ZNF672: variants seen among roughly 807,000 people sequenced by gnomAD.
The protein encoded by ZNF672 is zinc finger protein 672.
For missense variants in ZNF672, 733 were observed against 701.1 expected, an observed-to-expected ratio of 1.05 and a Z score of -0.51; for synonymous variants, 358 against 305.6, an observed-to-expected ratio of 1.17 and a Z score of -1.79.
intron 1 of ZNF672, chr1:248,839,210 A>ATGCTG (rs1664629857): frequency 2.0e-5 from 3 of 152,484 alleles, no homozygotes; most frequent in Admixed American, 2.0e-4. Context: ...TGGAAGGCCC[A>ATGCTG]TGCTGTGCTG....
chr1:248,839,585 A>C (rs1664635782), intron 1 of ZNF672: 1 of 152,460 alleles, frequency 6.6e-6, no homozygotes, highest in African/African-American at 2.4e-5. Flanking sequence ...GCGAGGCTGC[A>C]GTGAGACAGT....
chr1:248,847,408 T>C lies in ZNF672; in HGVS notation c.134T>C (p.Leu45Pro), dbSNP rs892816538. 63 of 1,596,998 alleles carry C rather than the reference T, an allele frequency of 3.9e-5. No homozygotes were observed. The highest frequency in any genetic ancestry group is 5.3e-5 in the Non-Finnish European group (62 of 1,171,578). The stretch of plus-strand genomic sequence containing the variant: ...GGCGGTGACGGCCGCTTCCGTTGCC[T>C]AGAATGCGGTGAGCGCTGTGCACGG... ...AHGGDGRFRC[L>P]ECGERCARAA... The change falls in exon 4 of 4, where the codon CTA becomes CCA. Residue 45 changes from leucine (L) to proline (P), a missense_variant. Coordinates refer to ENST00000306562, the MANE Select transcript of ZNF672 (RefSeq NM_024836.3).
rs1474572502 is a variant in ZNF672, at chr1:248,848,904, CCT to C, written c.*272_*273del. On this transcript the variant is annotated 3_prime_UTR_variant, in exon 4 of 4. Transcript: ENST00000306562. The stretch of plus-strand genomic sequence containing the variant: ...GGGAGTCAGGGAACCCTTAGACTCC[CCT>C]GTGTGCAAGAGCCCAGGTGTTGGTG... The C allele has an allele frequency of 5.8e-6, 4 of 692,772 alleles. No homozygotes were observed. The highest frequency in any genetic ancestry group is 2.9e-5 in the East Asian group (1 of 34,982). The allele number at this position is 692,772 out of a possible 1,614,324, so 42.9% of individuals were successfully genotyped here.
In ZNF672 at chr1:248,840,735, A is replaced by G. The variant is rs112283697; in HGVS notation, c.-475+2184A>G. ...ATTTGTATATGCAGTGGGTAGTGCCATGGAGGGTACGATGACTGTAGTCAT... is the reference window on the plus strand; with the variant it reads ...ATTTGTATATGCAGTGGGTAGTGCCGTGGAGGGTACGATGACTGTAGTCAT... On this transcript the variant is annotated intron_variant, in intron 1 of 3. Transcript: ENST00000306562. Among the ~76,000 whole-genome samples the G allele has an allele frequency of 5.9e-3, 854 of 145,902 alleles. 4 individuals carry two copies. Among genetic ancestry groups the G allele is most frequent in the Non-Finnish European group, 7.2e-3 (484 of 67,008 alleles).
intron 1 of ZNF672, among the ~76,000 whole-genome samples, chr1:248,843,118 G>A (rs1377679878): frequency 1.3e-5 from 2 of 152,124 alleles, no homozygotes; most frequent in Non-Finnish European, 2.9e-5. Flanking sequence ...GATGGGCTAC[G>A]TGGCCTGCTG....
chr1:248,839,807 C>T (rs1309043730), intron 1 of ZNF672, among the ~76,000 whole-genome samples: 1 of 142,638 alleles, frequency 7.0e-6, no homozygotes, highest in Non-Finnish European at 1.5e-5. Context: ...GGCGCGATCT[C>T]GGCTCGCTGC....
chr1:248,847,715 G>A lies in ZNF672; in HGVS notation c.441G>A (p.Ala147=). ...FRQSALLFHQ[A]RAHPLGTTSD... ...AGAGCGCGCTGCTCTTCCACCAGGCGCGGGCGCACCCCTTGGGGACAACCT... is the reference window on the plus strand; with the variant it reads ...AGAGCGCGCTGCTCTTCCACCAGGCACGGGCGCACCCCTTGGGGACAACCT... Residue 147 remains alanine, a synonymous_variant, in exon 4 of 4, where the codon GCG becomes GCA. Transcript: ENST00000306562. 1 of 1,458,520 alleles carries A rather than the reference G, an allele frequency of 6.9e-7. No individual in the cohort carries two copies. Among genetic ancestry groups the A allele is most frequent in the Non-Finnish European group, 9.0e-7 (1 of 1,109,714 alleles). The allele number at this position is 1,458,520 out of a possible 1,614,324, so 90.3% of individuals were successfully genotyped here.
chr1:248,840,877 T>G (rs1664665051), intron 1 of ZNF672, among the ~76,000 whole-genome samples: 2 of 151,340 alleles, frequency 1.3e-5, no homozygotes, highest in Non-Finnish European at 2.9e-5. Context: ...AGAGTACTTG[T>G]ATATGCAGTG....
In ZNF672 at chr1:248,848,508, CA is replaced by C; in HGVS notation, c.1235del (p.Gln412ArgfsTer43). ...CTTCAGCCACAGCCGCTCGCTGTCA[CA>C]GCATCAGCGGGCCCACACGCGCGCC... ...KCFSHSRSLSQHQRAHTRART... is the reference protein window; with the variant it reads ...KCFSHSRSLSXHQRAHTRART... On this transcript the variant is annotated frameshift_variant, in exon 4 of 4. Coordinates refer to ENST00000306562, the MANE Select transcript of ZNF672 (RefSeq NM_024836.3). LOFTEE classifies it low-confidence loss of function (END_TRUNC). The C allele has an allele frequency of 1.2e-6, 2 of 1,603,228 alleles. No individual in the cohort carries two copies. Among genetic ancestry groups the C allele is most frequent in the Non-Finnish European group, 1.7e-6 (2 of 1,174,788 alleles).
intron 1 of ZNF672, among the ~76,000 whole-genome samples, chr1:248,840,993 G>C (rs1427278607): frequency 1.3e-5 from 2 of 151,928 alleles, no homozygotes; most frequent in African/African-American, 2.4e-5. Context: ...TGTATGTGCA[G>C]TGGGCAGTGC....
intron 2 of ZNF672, 146 bp downstream of exon 2, chr1:248,844,782 C>T (rs1293263317): frequency 1.3e-5 from 2 of 152,262 alleles, no homozygotes; most frequent in Non-Finnish European, 2.9e-5. Context: ...TCCAGATACC[C>T]GAGGAGGAGG....
At position 248,848,435 on chromosome 1, in the gene ZNF672, G is replaced by T. The variant is rs771423831; in HGVS notation, c.1161G>T (p.Lys387Asn). ...SVASKLALHR[K>N]THLGERPAEC... ...CCTCCAAGCTTGCACTGCACCGCAAGACGCACCTGGGCGAACGGCCAGCGG... is the reference window on the plus strand; with the variant it reads ...CCTCCAAGCTTGCACTGCACCGCAATACGCACCTGGGCGAACGGCCAGCGG... The change falls in exon 4 of 4, where the codon AAG (lysine) becomes AAT (asparagine). Residue 387 changes from lysine to asparagine, a missense_variant. Coordinates refer to ENST00000306562, the MANE Select transcript of ZNF672 (RefSeq NM_024836.3). 20 of 1,607,400 alleles carry T rather than the reference G, an allele frequency of 1.2e-5. No homozygotes were observed. In the South Asian group the frequency reaches 2.1e-4, roughly 17 times the overall value.
chr1:248,839,017 A>G (rs1664625035), intron 1 of ZNF672: 1 of 152,280 alleles, frequency 6.6e-6, no homozygotes, highest in South Asian at 2.1e-4. Context: ...ACGCGCGCCG[A>G]CTGAGGCGCC....
At chr1:248,845,754 G>C (rs1268508239) in intron 3 of ZNF672, 92 bp downstream of exon 3, 1 of 152,210 alleles carries the variant, frequency 6.6e-6, no homozygotes. Context: ...TATTTATGAT[G>C]AACTTTCATC....
chr1:248,848,929 G>T lies in ZNF672; in HGVS notation c.*296G>T. ...CCTGTGTGCAAGAGCCCAGGTGTTG[G>T]TGTGTCCCTTTAATGCTACTGTGCT... On this transcript the variant is annotated 3_prime_UTR_variant, in exon 4 of 4. Coordinates refer to ENST00000306562, the MANE Select transcript of ZNF672 (RefSeq NM_024836.3). 1.5e-6 allele frequency: 1 copy of T among 668,598 alleles called. No homozygotes were observed. Among genetic ancestry groups the T allele is most frequent in the Middle Eastern group, 2.4e-4 (1 of 4,162 alleles). 41.4% of individuals were successfully genotyped at this position (668,598 alleles called of 1,614,324 possible).
chr1:248,847,968 T>A lies in ZNF672; in HGVS notation c.694T>A (p.Cys232Ser). The part of the protein sequence containing the change: ...SGEKPFKCPE[C>S]GKGFLESATL... ...GGAGAAACCCTTCAAGTGCCCGGAG[T>A]GCGGCAAGGGCTTCCTGGAGAGCGC... Residue 232 changes from cysteine to serine, a missense_variant, in exon 4 of 4, where the codon TGC becomes AGC. Physicochemically the swap from Cys to Ser is moderately radical, Grantham distance 112. Coordinates refer to ENST00000306562, the MANE Select transcript of ZNF672 (RefSeq NM_024836.3). 6.4e-7 allele frequency: 1 copy of A among 1,563,876 alleles called. No individual in the cohort carries two copies.
intron 1 of ZNF672, among the ~76,000 whole-genome samples, chr1:248,841,183 G>A (rs577110122): frequency 2.0e-5 from 3 of 152,354 alleles, no homozygotes; most frequent in East Asian, 3.9e-4. Flanking sequence ...TATGATGACT[G>A]TAGTCAGGCC....
Position 248,848,746 on chromosome 1 carries a change from C to T in ZNF672, c.*113C>T. The T allele has an allele frequency of 7.1e-7, 1 of 1,407,762 alleles. No individual in the cohort carries two copies. 87.2% of individuals were successfully genotyped at this position (1,407,762 alleles called of 1,614,324 possible). On this transcript the variant is annotated 3_prime_UTR_variant, in exon 4 of 4. Transcript: ENST00000306562. Reference sequence around the variant, plus strand: ...GGAGATTTGGGAAAAGACGATGTGGCCTCCTACCTTTCCAGTTTCTGTTGG... The same window carrying T: ...GGAGATTTGGGAAAAGACGATGTGGTCTCCTACCTTTCCAGTTTCTGTTGG...
chr1:248,849,443 G>C lies in ZNF672; in HGVS notation c.*810G>C. ...CATGGGAGCCACCAGCAGGGAGAGG[G>C]CAGGATGGAAAATCCCCTGGAGCCG... is the stretch of plus-strand genomic sequence containing the variant. On this transcript the variant is annotated 3_prime_UTR_variant, in exon 4 of 4. Coordinates refer to ENST00000306562, the MANE Select transcript of ZNF672 (RefSeq NM_024836.3). 3.6e-6 allele frequency: 1 copy of C among 280,328 alleles called. No homozygotes were observed. The highest frequency in any genetic ancestry group is 7.4e-6 in the Non-Finnish European group (1 of 135,582). 17.4% of individuals were successfully genotyped at this position (280,328 alleles called of 1,614,324 possible). A position where few individuals can be genotyped will look rare whatever the true frequency, so the allele number is the denominator to read the frequency against.
Sources: allele counts gnomAD v4.1 joint callset (sites outside exome capture counted in the v4.1 genomes callset), GRCh38; gene constraint gnomAD v4.1.1; transcripts MANE v1.5; gene names NCBI Gene and HGNC (gene_info 2026-07-23, HGNC 2026-07-21).